CHFR: variants seen among roughly 807,000 people sequenced by gnomAD.
CHFR encodes checkpoint with forkhead and ring finger domains, also known as E3 ubiquitin-protein ligase CHFR.
In CHFR, 57 loss-of-function variants were observed where a neutral mutation model predicts 87.6. That is an observed-to-expected ratio of 0.65 (90% CI 0.53 to 0.81). CHFR has a LOEUF of 0.81. Ranked by LOEUF, CHFR falls within the 30% of genes least tolerant of loss-of-function variation. The pLI, the probability that CHFR is intolerant of heterozygous loss-of-function variation, is 0.00. For synonymous variants in CHFR, 381 were observed against 359.2 expected (o/e 1.06, Z -0.69); for missense variants, 797 against 865.8 (o/e 0.92, Z 1.00).
At chr12:132,846,562 A>G (rs1333212849) in intron 15 of CHFR, among the ~76,000 whole-genome samples, 3 of 150,288 alleles carry the variant, frequency 2.0e-5, no homozygotes, top group Non-Finnish European at 4.4e-5. Context: ...GAGCCACCAC[A>G]CCCGGCCCAC....
intron 13 of CHFR, 110 bp from the exon 14 acceptor site, chr12:132,848,265 G>T: frequency 6.4e-7 from 1 of 1,557,220 alleles, no homozygotes; most frequent in Non-Finnish European, 8.7e-7. Flanking sequence ...ATTCTAGAAA[G>T]AATAAGAAGT....
intron 2 of CHFR, among the ~76,000 whole-genome samples, chr12:132,884,383 A>G (rs967389992): frequency 6.6e-6 from 1 of 150,934 alleles, no homozygotes; most frequent in Non-Finnish European, 1.5e-5. Context: ...CCACTGCACT[A>G]CAGCCTGGGC....
At chr12:132,878,614 T>TCGAGA (rs1230646453) in intron 2 of CHFR, among the ~76,000 whole-genome samples, 1 of 151,398 alleles carries the variant, frequency 6.6e-6, no homozygotes, top group Non-Finnish European at 1.5e-5. Context: ...GGTCAGGAGA[T>TCGAGA]CGAGACCATC....
At chr12:132,857,292 G>A in intron 9 of CHFR, 113 bp downstream of exon 9, 6 of 1,120,416 alleles carry the variant, frequency 5.4e-6, no homozygotes, top group East Asian at 2.5e-5. Context: ...TGCTGGTGGA[G>A]GGACAGCCCT....
rs10573381 is a variant in CHFR, at chr12:132,846,263, C to CT, written c.1735+779dup. Reference sequence around the variant, plus strand: ...GTCATACAGGTTCATGCTTAACTGTCTTTTTTTTTTTTTTTTTGAGACGGA... The same window carrying CT: ...GTCATACAGGTTCATGCTTAACTGTCTTTTTTTTTTTTTTTTTTGAGACGGA... On this transcript the variant is annotated intron_variant, in intron 15 of 17. Transcript: ENST00000450056. Among the ~76,000 whole-genome samples, 1,030 of 127,842 alleles carry CT rather than the reference C, an allele frequency of 8.1e-3. 31 individuals are homozygous for CT. The highest frequency in any genetic ancestry group is 0.026 in the African/African-American group (910 of 34,774). The allele number at this position is 127,842 out of a possible 152,430, so 83.9% of individuals were successfully genotyped here.
At chr12:132,845,262 T>C (rs889570810) in intron 15 of CHFR, among the ~76,000 whole-genome samples, 2 of 151,632 alleles carry the variant, frequency 1.3e-5, no homozygotes, top group African/African-American at 4.8e-5. Flanking sequence ...GAGACCAGCC[T>C]AACCAAGATG....
intron 9 of CHFR, among the ~76,000 whole-genome samples, chr12:132,857,116 C>A (rs1951093138): frequency 7.7e-6 from 1 of 129,982 alleles, no homozygotes; most frequent in Non-Finnish European, 1.6e-5. Flanking sequence ...CCTCACGTGC[C>A]CGGGTGCTGG....
At chr12:132,864,141 T>C (rs1951277850) in intron 6 of CHFR, among the ~76,000 whole-genome samples, 1 of 151,420 alleles carries the variant, frequency 6.6e-6, no homozygotes, top group Non-Finnish European at 1.5e-5. Flanking sequence ...AATACATATC[T>C]AGCTTACAGT....
chr12:132,833,706 G>C lies in CHFR; in HGVS notation c.*7848C>G, dbSNP rs772396731. Reference sequence around the variant, plus strand: ...GTGCACCTGTAGTCCCAGCTACTCAGGAGGCTGAGGTGGGAGGATCATCTG... The same window carrying C: ...GTGCACCTGTAGTCCCAGCTACTCACGAGGCTGAGGTGGGAGGATCATCTG... On this transcript the variant is annotated 3_prime_UTR_variant, in exon 18 of 18. Coordinates refer to ENST00000450056, the MANE Select transcript of CHFR (RefSeq NM_001161346.2). The C allele has an allele frequency of 3.9e-5, 6 of 152,506 alleles. No homozygotes were observed. Among genetic ancestry groups the C allele is most frequent in the Non-Finnish European group, 8.8e-5 (6 of 68,280 alleles). The allele number at this position is 152,506 out of a possible 1,614,324, so 9.4% of individuals were successfully genotyped here.
rs1229649968 is a variant in CHFR at position 132,856,605 on chromosome 12, C to T, written c.1092G>A (p.Val364=). The T allele has an allele frequency of 6.2e-7, 1 of 1,614,152 alleles. No individual in the cohort carries two copies. ...TTTTATTTCTGGCATCCATACTTTG[C>T]ACATCTTCTTCACTGCGACTCTTGT... ...HPDKSRSEED[V]QSMDARNKIT... The change falls in exon 10 of 18, where the codon GTG becomes GTA. Residue 364 remains valine, a synonymous_variant. Transcript: ENST00000450056.
intron 2 of CHFR, among the ~76,000 whole-genome samples, chr12:132,879,956 TGAATCAGAAGACTCAG>T (rs1951729824): frequency 6.6e-6 from 1 of 152,224 alleles, no homozygotes; most frequent in Non-Finnish European, 1.5e-5. Context: ...TATGGGTGTG[TGAATCAGAAGACTCAG>T]TATTGTTAAA....
At chr12:132,845,473 T>A (rs28531371) in intron 15 of CHFR, among the ~76,000 whole-genome samples, 28 of 136,890 alleles carry the variant, frequency 2.0e-4, no homozygotes, top group East Asian at 6.4e-4. Flanking sequence ...AAAAAATAAA[T>A]AAATAAATAA....
chr12:132,859,048 A>G lies in CHFR; in HGVS notation c.911+20T>C. On this transcript the variant is annotated intron_variant, in intron 8 of 17. Transcript: ENST00000450056. Reference sequence around the variant, plus strand: ...CCTGCAGTGCCATGTTCCGTGAGCCAAGGGTGAACACGGTCGCACCTCACG... The same window carrying G: ...CCTGCAGTGCCATGTTCCGTGAGCCGAGGGTGAACACGGTCGCACCTCACG... 1 of 1,606,960 alleles carries G rather than the reference A, an allele frequency of 6.2e-7. No homozygotes were observed. Among genetic ancestry groups the G allele is most frequent in the East Asian group, 2.2e-5 (1 of 44,676 alleles).
chr12:132,868,658 C>G (rs1231491136), intron 6 of CHFR, among the ~76,000 whole-genome samples: 1 of 152,010 alleles, frequency 6.6e-6, no homozygotes, highest in East Asian at 1.9e-4. Flanking sequence ...CCAGCCTGAG[C>G]GACAGAGCGA....
Position 132,853,573 on chromosome 12 carries a change from G to A in CHFR, c.1230C>T (p.Ser410=). ...ACTGCCGGCACACGACGTATGGCTGGCTGCAAGGAAGCACAGGGCCGAGCT... is the reference window on the plus strand; with the variant it reads ...ACTGCCGGCACACGACGTATGGCTGACTGCAAGGAAGCACAGGGCCGAGCT... The part of the protein sequence containing the change: ...SDVDSESSDI[S]QPYVVCRQCP... Residue 410 remains serine, a splice_region_variant and synonymous_variant, in exon 11 of 18, where the codon AGC becomes AGT. Coordinates refer to ENST00000450056, the MANE Select transcript of CHFR (RefSeq NM_001161346.2). 1 of 1,528,002 alleles carries A rather than the reference G, an allele frequency of 6.5e-7. No individual in the cohort carries two copies. The highest frequency in any genetic ancestry group is 8.8e-7 in the Non-Finnish European group (1 of 1,140,714). The allele number at this position is 1,528,002 out of a possible 1,614,324, so 94.7% of individuals were successfully genotyped here.
chr12:132,868,701 G>A (rs113277971), intron 6 of CHFR, among the ~76,000 whole-genome samples: 6 of 143,824 alleles, frequency 4.2e-5, no homozygotes, highest in East Asian at 2.0e-4. Flanking sequence ...AAAAGAGCAC[G>A]CATGATTCCA....
At chr12:132,841,717 A>T in intron 17 of CHFR, 121 bp from the exon 18 acceptor site, 1 of 812,274 alleles carries the variant, frequency 1.2e-6, no homozygotes, top group Non-Finnish European at 2.2e-6. Context: ...ACACAGAAAG[A>T]GCTACCTGAG....
At chr12:132,868,453 G>T (rs1328752944) in intron 6 of CHFR, among the ~76,000 whole-genome samples, 8 of 152,148 alleles carry the variant, frequency 5.3e-5, no homozygotes, top group Admixed American at 4.6e-4. Context: ...AGTGAGCCGA[G>T]ATCGCGCCAC....
At chr12:132,881,447 TTTATC>T (rs1951767875) in intron 2 of CHFR, among the ~76,000 whole-genome samples, 1 of 152,096 alleles carries the variant, frequency 6.6e-6, no homozygotes, top group Admixed American at 6.6e-5. Flanking sequence ...ATTTAAACAC[TTTATC>T]AAAGAAGAGA....
Sources: gnomAD v4.1 joint callset for allele counts (sites outside exome capture counted in the v4.1 genomes callset) on GRCh38, gnomAD v4.1.1 for gene constraint, MANE v1.5 for transcripts, NCBI Gene and HGNC (gene_info 2026-07-23, HGNC 2026-07-21) for gene names.